FAM219A: variants seen among roughly 807,000 people sequenced by gnomAD.
FAM219A encodes the protein family with sequence similarity 219 member A.
Under a neutral mutation model 23.4 loss-of-function variants are expected in FAM219A, and 7 were observed. The observed-to-expected ratio is 0.30, with a 90% CI of 0.17 to 0.56. The LOEUF (loss-of-function observed/expected upper bound fraction) is 0.56. Ranked by LOEUF, FAM219A falls within the 20% of genes least tolerant of loss-of-function variation. The probability of loss-of-function intolerance (pLI) is 0.92; values close to 1 mark genes in which losing one functional copy is unlikely to be tolerated. For missense variants in FAM219A, 166 were observed against 246.9 expected (o/e 0.67, Z 2.20); for synonymous variants, 93 against 99.0 (o/e 0.94, Z 0.36).
chr9:34,440,182 C>G (rs562430695), intron 1 of FAM219A, among the ~76,000 whole-genome samples: 8 of 152,180 alleles, frequency 5.3e-5, no homozygotes, highest in Admixed American at 1.3e-4. Flanking sequence ...CTAGCTGTTG[C>G]ACAGCTGGTC....
rs1821383143 is a variant in FAM219A at position 34,400,624 on chromosome 9, C to G, written c.*340G>C. 4.8e-6 allele frequency: 1 copy of G among 206,742 alleles called. No homozygotes were observed. Among genetic ancestry groups the G allele is most frequent in the Non-Finnish European group, 9.6e-6 (1 of 103,836 alleles). 12.8% of individuals were successfully genotyped at this position (206,742 alleles called of 1,614,324 possible). On this transcript the variant is annotated 3_prime_UTR_variant, in exon 6 of 6. Coordinates refer to ENST00000651358, the MANE Select transcript of FAM219A (RefSeq NM_001184940.2). Reference sequence around the variant, plus strand: ...AGCCCCTGGCTTTGTGATCCCCCCACTCGTTAATGTTGACCTCCCTGCCGT... The same window carrying G: ...AGCCCCTGGCTTTGTGATCCCCCCAGTCGTTAATGTTGACCTCCCTGCCGT...
At chr9:34,423,894 G>C (rs933621059) in intron 1 of FAM219A, among the ~76,000 whole-genome samples, 2 of 152,194 alleles carry the variant, frequency 1.3e-5, no homozygotes, top group Non-Finnish European at 2.9e-5. Flanking sequence ...TGACTCAGGT[G>C]ACTGCGTGAA....
At chr9:34,417,000 CTCCTTCTTCCTTCT>C (rs201896605) in intron 1 of FAM219A, among the ~76,000 whole-genome samples, 1 of 151,444 alleles carries the variant, frequency 6.6e-6, no homozygotes, top group Non-Finnish European at 1.5e-5. Context: ...GCTTTATCTT[CTCCTTCTTCCTTCT>C]TCCTTCTTCC....
At chr9:34,455,045 C>G (rs1823682506) in intron 1 of FAM219A, among the ~76,000 whole-genome samples, 1 of 152,134 alleles carries the variant, frequency 6.6e-6, no homozygotes, top group East Asian at 1.9e-4. Flanking sequence ...AGAGAGTGAG[C>G]AAGAGAAACA....
intron 1 of FAM219A, among the ~76,000 whole-genome samples, chr9:34,437,580 G>A (rs1204096430): frequency 6.6e-6 from 1 of 152,232 alleles, no homozygotes; most frequent in African/African-American, 2.4e-5. Context: ...TGGCCTTAAA[G>A]ACTCCATACA....
rs759172112 is a variant in FAM219A, at chr9:34,401,683, C to T, written c.382G>A (p.Gly128Ser). The T allele has an allele frequency of 6.2e-6, 10 of 1,608,354 alleles. No homozygotes were observed. Among genetic ancestry groups the T allele is most frequent in the South Asian group, 1.1e-5 (1 of 88,904 alleles). ...GGGCTCACCTCAGCAGAGGAGTAGC[C>T]GGAGGAGGAGTATCTAGACATGTCA... ...DFDMSRYSSS[G>S]YSSAEQINQD... Residue 128 changes from glycine to serine, a missense_variant, in exon 5 of 6, where the codon GGC becomes AGC. Physicochemically the swap from Gly to Ser is moderately conservative, Grantham distance 56. Transcript: ENST00000651358.
At chr9:34,402,191 C>A in intron 4 of FAM219A, 196 bp downstream of exon 4, 1 of 1,515,502 alleles carries the variant, frequency 6.6e-7, no homozygotes, top group South Asian at 1.3e-5. Context: ...GCCCCCCTTT[C>A]CTCTCTCTGC....
In FAM219A at chr9:34,411,604, G is replaced by C. The variant is rs553033794; in HGVS notation, c.61-5640C>G. 1.4e-4 allele frequency among the ~76,000 whole-genome samples: 21 copies of C among 151,444 alleles called. No individual in the cohort carries two copies. In the South Asian group the frequency reaches 4.0e-3, roughly 29 times the overall value. On this transcript the variant is annotated intron_variant, in intron 1 of 5. Transcript: ENST00000651358. ...AGGCAGGAGAATGGCTAGAACCCGGGAGGCGGAGCTTGCAGTGAGCCAAGA... is the reference window on the plus strand; with the variant it reads ...AGGCAGGAGAATGGCTAGAACCCGGCAGGCGGAGCTTGCAGTGAGCCAAGA...
chr9:34,398,732 C>T lies in FAM219A; in HGVS notation c.*2232G>A. 4.3e-6 allele frequency: 1 copy of T among 230,872 alleles called. No homozygotes were observed. The highest frequency in any genetic ancestry group is 8.7e-6 in the Non-Finnish European group (1 of 115,516). 14.3% of individuals were successfully genotyped at this position (230,872 alleles called of 1,614,324 possible). ...TGTTCTAGAAAGGTGAGCCAAGGAG[C>T]CCCGGGGTGGTGGTGGTGGTAGTGG... On this transcript the variant is annotated 3_prime_UTR_variant, in exon 6 of 6. Coordinates refer to ENST00000651358, the MANE Select transcript of FAM219A (RefSeq NM_001184940.2).
At chr9:34,444,259 C>T (rs1241431596) in intron 1 of FAM219A, among the ~76,000 whole-genome samples, 2 of 152,168 alleles carry the variant, frequency 1.3e-5, no homozygotes, top group African/African-American at 4.8e-5. Context: ...GCAAGTCTGT[C>T]CCCAGAGAGA....
rs773670695 is a variant in FAM219A, at chr9:34,400,981, C to T, written c.541G>A (p.Ala181Thr). 14 of 1,553,576 alleles carry T rather than the reference C, an allele frequency of 9.0e-6. No homozygotes were observed. Among genetic ancestry groups the T allele is most frequent in the Middle Eastern group, 1.7e-4 (1 of 5,814 alleles). The change falls in exon 6 of 6, where the codon GCC becomes ACC. Residue 181 changes from alanine (A) to threonine (T), a missense_variant. By Grantham distance (58) the Ala-to-Thr change is moderately conservative. Transcript: ENST00000651358. ...CMCCQATSST[A>T]CHIQ is the part of the protein sequence containing the mutation. ...CCCGCCCGCTACTGAATGTGGCAGG[C>T]GGTGGAGGACGTGGCCTGGCAGCAC...
rs368790464 is a variant in FAM219A, at chr9:34,457,824, C to T, written c.60+380G>A. Reference sequence around the variant, plus strand: ...CCCCCGCCCTAAGCATCACAGGCCTCTAGGACTAAACGCCTCCCCACCTCC... The same window carrying T: ...CCCCCGCCCTAAGCATCACAGGCCTTTAGGACTAAACGCCTCCCCACCTCC... On this transcript the variant is annotated intron_variant, in intron 1 of 5. Coordinates refer to ENST00000651358, the MANE Select transcript of FAM219A (RefSeq NM_001184940.2). This position sits in a 1 kb window ranked among gnomAD's most constrained non-coding sequence, Gnocchi z 5.1. 3.9e-5 allele frequency among the ~76,000 whole-genome samples: 6 copies of T among 152,320 alleles called. No homozygotes were observed. In the East Asian group the frequency reaches 7.7e-4, roughly 20 times the overall value.
intron 1 of FAM219A, chr9:34,406,590 A>C (rs771085101): frequency 1.7e-6 from 1 of 579,950 alleles, no homozygotes; most frequent in East Asian, 1.4e-4. Context: ...GGCTAGGTAC[A>C]GTAGGTGAGA....
In FAM219A at chr9:34,421,900, A is replaced by G. The variant is rs1221372421; in HGVS notation, c.61-15936T>C. Among the ~76,000 whole-genome samples the G allele has an allele frequency of 2.6e-5, 4 of 152,214 alleles. No individual in the cohort carries two copies. In the East Asian group the frequency reaches 7.7e-4, roughly 29 times the overall value. On this transcript the variant is annotated intron_variant, in intron 1 of 5. Transcript: ENST00000651358. ...CTGGAACCTGAATTGTCAGCATTTCATATTAGCTCCCAGGTGGTACCAATG... is the reference window on the plus strand; with the variant it reads ...CTGGAACCTGAATTGTCAGCATTTCGTATTAGCTCCCAGGTGGTACCAATG...
intron 1 of FAM219A, among the ~76,000 whole-genome samples, chr9:34,424,796 G>A (rs908759286): frequency 6.6e-6 from 1 of 152,134 alleles, no homozygotes; most frequent in African/African-American, 2.4e-5. Flanking sequence ...CTGTTATGTG[G>A]TAATCATGCT....
chr9:34,442,877 T>C (rs1401648087), intron 1 of FAM219A, among the ~76,000 whole-genome samples: 1 of 152,250 alleles, frequency 6.6e-6, no homozygotes, highest in East Asian at 1.9e-4. Flanking sequence ...AGAGATAGTA[T>C]AATGTTATAG....
At chr9:34,428,989 C>T (rs897103799) in intron 1 of FAM219A, among the ~76,000 whole-genome samples, 3 of 152,214 alleles carry the variant, frequency 2.0e-5, no homozygotes, top group East Asian at 1.9e-4. Context: ...ACATTGTCAA[C>T]GGCCCCATCT....
In FAM219A at chr9:34,398,199, T is replaced by C. The variant is rs2131913177; in HGVS notation, c.*2765A>G. On this transcript the variant is annotated 3_prime_UTR_variant, in exon 6 of 6. Transcript: ENST00000651358. ...GAGCTGAGGCTGGCTTGTTTGATGC[T>C]TTTAATATCATTATTTGTGTTACAC... is the stretch of plus-strand genomic sequence containing the variant. The C allele has an allele frequency of 6.7e-7, 1 of 1,481,968 alleles. No individual in the cohort carries two copies. Among genetic ancestry groups the C allele is most frequent in the South Asian group, 1.2e-5 (1 of 82,444 alleles). The allele number at this position is 1,481,968 out of a possible 1,614,324, so 91.8% of individuals were successfully genotyped here. A position where few individuals can be genotyped will look rare whatever the true frequency, so the allele number is the denominator to read the frequency against.
intron 1 of FAM219A, among the ~76,000 whole-genome samples, chr9:34,437,879 G>A (rs1324887719): frequency 6.6e-6 from 1 of 152,248 alleles, no homozygotes; most frequent in Non-Finnish European, 1.5e-5. Flanking sequence ...TTTCTGGGCT[G>A]GCCAAGGCCA....
Sources: gnomAD v4.1 joint callset for allele counts (sites outside exome capture counted in the v4.1 genomes callset) on GRCh38, gnomAD v4.1.1 for gene constraint, Gnocchi (gnomAD v3.1) non-coding constraint, MANE v1.5 for transcripts, NCBI Gene and HGNC (gene_info 2026-07-23, HGNC 2026-07-21) for gene names.